The following RPH3A variants were observed in gnomAD, a reference collection of about 807,000 sequenced individuals.
The protein encoded by RPH3A is rabphilin 3A.
In RPH3A, 48 loss-of-function variants were observed where a neutral mutation model predicts 102.2. The observed-to-expected ratio is 0.47, with a 90% confidence interval of 0.37 to 0.60. RPH3A has a LOEUF of 0.60. Ranked by LOEUF, RPH3A falls within the 20% of genes least tolerant of loss-of-function variation. The pLI is 0.00. For missense variants in RPH3A, 781 were observed against 910.1 expected, an observed-to-expected ratio of 0.86 and a Z score of 1.83; for synonymous variants, 310 against 324.3, an observed-to-expected ratio of 0.96 and a Z score of 0.47.
intron 8 of RPH3A, chr12:112,869,389 A>AC (rs2042666063): frequency 5.1e-6 from 1 of 196,150 alleles, no homozygotes; most frequent in Non-Finnish European, 1.0e-5. Flanking sequence ...TTTCTTCCTG[A>AC]CAAGGCAAGA....
intron 1 of RPH3A, among the ~76,000 whole-genome samples, chr12:112,589,847 C>G (rs112505310): frequency 0.17 from 26,212 of 151,948 alleles, 3,258 homozygotes; most frequent in African/African-American, 0.35. Flanking sequence ...CTTTGAGAAG[C>G]TGAGGTGGGC....
chr12:112,640,969 G>A (rs1243672998), intron 1 of RPH3A, among the ~76,000 whole-genome samples: 1 of 152,118 alleles, frequency 6.6e-6, no homozygotes, highest in Non-Finnish European at 1.5e-5. Context: ...GTGTGTCTGG[G>A]GCATGGAAAA....
At chr12:112,672,905 A>G (rs1321439672) in intron 1 of RPH3A, among the ~76,000 whole-genome samples, 1 of 152,132 alleles carries the variant, frequency 6.6e-6, no homozygotes, top group East Asian at 1.9e-4. Flanking sequence ...CAGGTCAGCC[A>G]GAAGTGTCAA....
chr12:112,842,095 C>T (rs2042157425), intron 4 of RPH3A: 1 of 453,066 alleles, frequency 2.2e-6, no homozygotes, highest in Admixed American at 2.4e-5. Context: ...GGGTTCTTCC[C>T]ACCCCTGGGT....
At chr12:112,878,981 C>T (rs2042857041) in intron 13 of RPH3A, 138 bp from the exon 14 acceptor site, 2 of 742,050 alleles carry the variant, frequency 2.7e-6, no homozygotes, top group Admixed American at 4.2e-5. Context: ...AGATGAGGAA[C>T]TCACAGCAAA....
rs868401374 is a variant in RPH3A, at chr12:112,712,916, T to C, written c.-139-79227T>C. On this transcript the variant is annotated intron_variant, in intron 1 of 21. Transcript: ENST00000543106. ...CTTCTTCTTCTTCCTCTTCTTCTTC[T>C]TCTTCTTCCTCTTCTTCTTCTTCTT... Among the ~76,000 whole-genome samples the C allele has an allele frequency of 7.4e-4, 76 of 102,256 alleles. 1 individual carries two copies. The highest frequency in any genetic ancestry group is 3.0e-3 in the African/African-American group (70 of 23,200). The allele number at this position is 102,256 out of a possible 152,430, so 67.1% of individuals were successfully genotyped here.
intron 1 of RPH3A, among the ~76,000 whole-genome samples, chr12:112,767,614 T>C (rs1471233802): frequency 6.6e-6 from 1 of 152,202 alleles, no homozygotes; most frequent in African/African-American, 2.4e-5. Flanking sequence ...GCTGTCAGAC[T>C]TCTACATTCA....
chr12:112,728,828 T>A (rs1288024893), intron 1 of RPH3A, among the ~76,000 whole-genome samples: 6 of 151,764 alleles, frequency 4.0e-5, no homozygotes, highest in Non-Finnish European at 8.8e-5. Flanking sequence ...GGTGAGGGGG[T>A]TAAAATATAC....
chr12:112,882,401 C>T (rs1016955882), intron 15 of RPH3A, among the ~76,000 whole-genome samples: 1 of 152,144 alleles, frequency 6.6e-6, no homozygotes, highest in Non-Finnish European at 1.5e-5. Flanking sequence ...TGGAAGTGTG[C>T]CTGCCTGGTT....
chr12:112,839,399 G>C, intron 4 of RPH3A, among the ~76,000 whole-genome samples: 1 of 151,916 alleles, frequency 6.6e-6, no homozygotes, highest in Non-Finnish European at 1.5e-5. Flanking sequence ...ACAGTTACTT[G>C]TTCTCAGGGA....
chr12:112,853,393 A>T (rs1430256814), intron 5 of RPH3A, among the ~76,000 whole-genome samples: 2 of 152,210 alleles, frequency 1.3e-5, no homozygotes, highest in Admixed American at 6.5e-5. Flanking sequence ...CTCAAGAAAC[A>T]TAGATTTTAT....
intron 1 of RPH3A, among the ~76,000 whole-genome samples, chr12:112,639,328 C>T (rs903476546): frequency 6.6e-6 from 1 of 152,118 alleles, no homozygotes; most frequent in Non-Finnish European, 1.5e-5. Flanking sequence ...TAAAAAGGAA[C>T]GAGATCATGT....
Position 112,896,831 on chromosome 12 carries a change from C to G in RPH3A, c.*51C>G, listed in dbSNP as rs2043186858. The G allele has an allele frequency of 2.5e-6, 4 of 1,606,892 alleles. No homozygotes were observed. Among genetic ancestry groups the G allele is most frequent in the South Asian group, 1.1e-5 (1 of 90,510 alleles). On this transcript the variant is annotated 3_prime_UTR_variant, in exon 22 of 22. Transcript: ENST00000389385. ...TGTCCCGGGTCCCCCCCAGCCTGCT[C>G]TAGCTGCCCACCGCACCCTGATCTC... is the stretch of plus-strand genomic sequence containing the variant.
At chr12:112,582,208 G>A (rs1217276322) in intron 1 of RPH3A, among the ~76,000 whole-genome samples, 1 of 146,672 alleles carries the variant, frequency 6.8e-6, no homozygotes, top group Non-Finnish European at 1.5e-5. Context: ...TTCTTCCTAA[G>A]CATGTCTCTG....
At chr12:112,684,567 C>T (rs1027804868) in intron 1 of RPH3A, among the ~76,000 whole-genome samples, 1 of 151,970 alleles carries the variant, frequency 6.6e-6, no homozygotes. Context: ...CACACCTGGC[C>T]GAGAATATCT....
chr12:112,740,592 G>A (rs2040701809), intron 1 of RPH3A, among the ~76,000 whole-genome samples: 1 of 152,170 alleles, frequency 6.6e-6, no homozygotes, highest in Admixed American at 6.5e-5. Context: ...TGAGGTTCCT[G>A]AAAGCCTCTG....
intron 1 of RPH3A, among the ~76,000 whole-genome samples, chr12:112,618,569 A>G (rs2039698302): frequency 1.3e-5 from 2 of 152,164 alleles, no homozygotes; most frequent in South Asian, 2.1e-4. Flanking sequence ...AACCCTGGGG[A>G]ATTAAATAGT....
At chr12:112,891,067 A>G (rs751097611) in intron 19 of RPH3A, 64 bp downstream of exon 19, 11 of 1,577,138 alleles carry the variant, frequency 7.0e-6, no homozygotes, top group Non-Finnish European at 9.5e-6. Context: ...GGAAAAGGAG[A>G]ACCAGACAGT....
At chr12:112,873,502 GA>G (rs1565934515) in intron 10 of RPH3A, among the ~76,000 whole-genome samples, 1 of 152,160 alleles carries the variant, frequency 6.6e-6, no homozygotes, top group African/African-American at 2.4e-5. Flanking sequence ...ACACAGTGTG[GA>G]AATCCCTTCA....
Sources: allele counts gnomAD v4.1 joint callset (sites outside exome capture counted in the v4.1 genomes callset), GRCh38; gene constraint gnomAD v4.1.1; transcripts MANE v1.5; gene names NCBI Gene and HGNC (gene_info 2026-07-23, HGNC 2026-07-21).